The following CTDSPL2 variants were observed in gnomAD, a reference collection of about 807,000 sequenced individuals.
CTDSPL2 encodes the protein CTD small phosphatase-like protein 2.
A neutral mutation model predicts 60.0 loss-of-function variants in CTDSPL2; 5 were observed. That is an observed-to-expected ratio of 0.08 (90% CI 0.04 to 0.18). The LOEUF (loss-of-function observed/expected upper bound fraction) is 0.18, where lower values mean the gene tolerates loss of function less well. CTDSPL2 is among the 10% of genes least tolerant of loss of function. The pLI is 1.00. For missense variants in CTDSPL2, 370 were observed against 548.8 expected, an observed-to-expected ratio of 0.67 and a Z score of 3.26; for synonymous variants, 186 against 189.3, an observed-to-expected ratio of 0.98 and a Z score of 0.14.
Position 44,510,011 on chromosome 15 carries a change from G to A in CTDSPL2, c.970-4587G>A, listed in dbSNP as rs770743785. Among the ~76,000 whole-genome samples, 172 of 150,432 alleles carry A rather than the reference G, an allele frequency of 1.1e-3. 1 individual carries two copies. Among genetic ancestry groups the A allele is most frequent in the Non-Finnish European group, 2.0e-3 (134 of 67,652 alleles). ...ACAACACCTTTTTTTTTTTGAGACG[G>A]AGTCTCACTCTGTTGCCCAGACTGG... On this transcript the variant is annotated intron_variant, in intron 8 of 12. Coordinates refer to ENST00000260327, the MANE Select transcript of CTDSPL2 (RefSeq NM_016396.3).
At chr15:44,454,664 G>C (rs983280181) in intron 1 of CTDSPL2, among the ~76,000 whole-genome samples, 4 of 152,014 alleles carry the variant, frequency 2.6e-5, no homozygotes, top group African/African-American at 4.8e-5. Context: ...GTTTTCCCAG[G>C]ACCGTTTATT....
At chr15:44,519,394 C>T in intron 11 of CTDSPL2, 99 bp downstream of exon 11, 1 of 1,039,878 alleles carries the variant, frequency 9.6e-7, no homozygotes, top group Non-Finnish European at 1.4e-6. Context: ...AGAGAATTTT[C>T]ACTGGTGGAA....
Position 44,460,251 on chromosome 15 carries a change from C to T in CTDSPL2, c.186+1051C>T, listed in dbSNP as rs184114845. On this transcript the variant is annotated intron_variant, in intron 2 of 12. Transcript: ENST00000260327. ...TCAGCCTCCCGAGTAGCTGGGACTA[C>T]AGGCGCCCGCCACCACACCAGCTAA... Among the ~76,000 whole-genome samples, 137 of 152,282 alleles carry T rather than the reference C, an allele frequency of 9.0e-4. 1 individual carries two copies. Among genetic ancestry groups the T allele is most frequent in the African/African-American group, 3.2e-3 (135 of 41,568 alleles).
At chr15:44,485,990 T>C (rs2081111725) in intron 3 of CTDSPL2, among the ~76,000 whole-genome samples, 1 of 152,214 alleles carries the variant, frequency 6.6e-6, no homozygotes, top group Non-Finnish European at 1.5e-5. Flanking sequence ...GTGGAACATT[T>C]TGATTTACAG....
chr15:44,448,802 TAGG>T (rs971313186), intron 1 of CTDSPL2: 37 of 355,038 alleles, frequency 1.0e-4, no homozygotes, highest in African/African-American at 7.8e-4. Context: ...TGCGGACGCT[TAGG>T]AGGGAAAAAA....
chr15:44,511,392 A>G (rs1192953780), intron 8 of CTDSPL2, among the ~76,000 whole-genome samples: 2 of 152,206 alleles, frequency 1.3e-5, no homozygotes, highest in African/African-American at 4.8e-5. Flanking sequence ...AAGTTGGAAA[A>G]TGTCACCTTT....
At chr15:44,455,642 T>A (rs1028398377) in intron 1 of CTDSPL2, among the ~76,000 whole-genome samples, 1 of 152,108 alleles carries the variant, frequency 6.6e-6, no homozygotes, top group Non-Finnish European at 1.5e-5. Flanking sequence ...GGCTGTTGAA[T>A]TTTGTCAAAG....
chr15:44,515,597 G>A (rs1402944834), intron 10 of CTDSPL2, among the ~76,000 whole-genome samples: 9 of 152,262 alleles, frequency 5.9e-5, no homozygotes, highest in Non-Finnish European at 1.0e-4. Flanking sequence ...AGGGCCAGGC[G>A]CGGTGGCTCA....
At chr15:44,521,981 T>TAAA (rs2081786085) in intron 12 of CTDSPL2, among the ~76,000 whole-genome samples, 1 of 139,758 alleles carries the variant, frequency 7.2e-6, no homozygotes, top group Non-Finnish European at 1.5e-5. Flanking sequence ...ATGATGATGA[T>TAAA]GATAAAGTCA....
Position 44,524,252 on chromosome 15 carries a change from C to T in CTDSPL2, c.*78C>T, listed in dbSNP as rs1369839698. The T allele has an allele frequency of 3.2e-6, 4 of 1,268,276 alleles. No homozygotes were observed. The Admixed American group carries it at 5.3e-5, about 17-fold the overall frequency. 78.6% of individuals were successfully genotyped at this position (1,268,276 alleles called of 1,614,324 possible). A position where few individuals can be genotyped will look rare whatever the true frequency, so the allele number is the denominator to read the frequency against. On this transcript the variant is annotated 3_prime_UTR_variant, in exon 13 of 13. Transcript: ENST00000260327. ...GACTAAGACAAAAACATTGCCATTA[C>T]TGTTGAAATTTTGCATTTTTGTACC...
In CTDSPL2 at chr15:44,527,836, T is replaced by G. The variant is rs78924379; in HGVS notation, c.*3662T>G. 4.7e-4 allele frequency: 71 copies of G among 152,352 alleles called. 1 individual carries two copies. In the East Asian group the frequency reaches 0.012, roughly 26 times the overall value. The allele number at this position is 152,352 out of a possible 1,614,324, so 9.4% of individuals were successfully genotyped here. A position where few individuals can be genotyped will look rare whatever the true frequency, so the allele number is the denominator to read the frequency against. ...CCTTAGGGTTGTCATTCATTGACTT[T>G]CTTATTCCTCTCATGAGCTATAATT... is the stretch of plus-strand genomic sequence containing the variant. On this transcript the variant is annotated 3_prime_UTR_variant, in exon 13 of 13. Transcript: ENST00000260327.
In CTDSPL2 at chr15:44,528,910, TTTC is replaced by T. The variant is rs1382118796; in HGVS notation, c.*4742_*4744del. Reference sequence around the variant, plus strand: ...TGGACATTTTAAAATCTCAATTTAATTTCTTCTTATTTACTATGCAGTATAGCC... The same window carrying T: ...TGGACATTTTAAAATCTCAATTTAATTTCTTATTTACTATGCAGTATAGCC... On this transcript the variant is annotated 3_prime_UTR_variant, in exon 13 of 13. Transcript: ENST00000260327. The T allele has an allele frequency of 4.6e-5, 7 of 152,154 alleles. No homozygotes were observed. The highest frequency in any genetic ancestry group is 1.7e-4 in the African/African-American group (7 of 41,438). 9.4% of individuals were successfully genotyped at this position (152,154 alleles called of 1,614,324 possible).
chr15:44,454,539 C>A (rs543949622), intron 1 of CTDSPL2, among the ~76,000 whole-genome samples: 1 of 152,116 alleles, frequency 6.6e-6, no homozygotes, highest in Non-Finnish European at 1.5e-5. Context: ...AGGTTTTCTT[C>A]TAGGGTTTTT....
intron 4 of CTDSPL2, among the ~76,000 whole-genome samples, chr15:44,489,422 C>T (rs2081180086): frequency 6.6e-6 from 1 of 151,932 alleles, no homozygotes; most frequent in African/African-American, 2.4e-5. Flanking sequence ...GTTTGAGGGA[C>T]GTGTTTGGAA....
At chr15:44,499,977 G>A (rs1045967777) in intron 8 of CTDSPL2, among the ~76,000 whole-genome samples, 164 bp downstream of exon 8, 1 of 152,076 alleles carries the variant, frequency 6.6e-6, no homozygotes, top group African/African-American at 2.4e-5. Context: ...TTAGCATCAT[G>A]CTAGATATTA....
intron 1 of CTDSPL2, among the ~76,000 whole-genome samples, chr15:44,431,239 G>A (rs1179777957): frequency 2.0e-5 from 3 of 151,910 alleles, no homozygotes; most frequent in East Asian, 3.9e-4. Flanking sequence ...TGGGCTTACC[G>A]GCATGAGCCA....
At chr15:44,466,641 A>G (rs534477889) in intron 2 of CTDSPL2, among the ~76,000 whole-genome samples, 2 of 152,268 alleles carry the variant, frequency 1.3e-5, no homozygotes, top group East Asian at 3.9e-4. Flanking sequence ...ACAAACCTGT[A>G]CAGAATGTTA....
chr15:44,456,266 C>G (rs938609640), intron 1 of CTDSPL2, among the ~76,000 whole-genome samples: 2 of 152,100 alleles, frequency 1.3e-5, no homozygotes, highest in Non-Finnish European at 1.5e-5. Context: ...AAAATGAGTT[C>G]GGGAGGATTC....
intron 1 of CTDSPL2, among the ~76,000 whole-genome samples, chr15:44,439,521 C>G (rs1044538367): frequency 6.8e-6 from 1 of 148,040 alleles, no homozygotes; most frequent in East Asian, 2.0e-4. Flanking sequence ...GACCGAAAGT[C>G]TCTGTATTTT....
Sources: allele counts gnomAD v4.1 joint callset (sites outside exome capture counted in the v4.1 genomes callset), GRCh38; gene constraint gnomAD v4.1.1; transcripts MANE v1.5; gene names NCBI Gene and HGNC (gene_info 2026-07-23, HGNC 2026-07-21).